FAM24B: variants seen among roughly 807,000 people sequenced by gnomAD.
FAM24B encodes the protein family with sequence similarity 24 member B, also known as protein FAM24B.
In FAM24B, 3 loss-of-function variants were observed where a neutral mutation model predicts 2.3. The observed-to-expected ratio is 1.29, with a 90% confidence interval of 0.59 to 3.32. The LOEUF is 3.32. Ranked by LOEUF, FAM24B falls within the 30% of genes most tolerant of loss-of-function variation. FAM24B has a pLI of 0.03. For missense variants in FAM24B, 98 were observed against 117.2 expected (o/e 0.84, Z 0.76); for synonymous variants, 36 against 46.3 (o/e 0.78, Z 0.90).
At chr10:122,861,127 CCTATTTTCTT>C (rs1847720390) in intron 1 of FAM24B, among the ~76,000 whole-genome samples, 1 of 152,032 alleles carries the variant, frequency 6.6e-6, no homozygotes, top group South Asian at 2.1e-4. Flanking sequence ...CAGATTTTCT[CCTATTTTCTT>C]CTGTATGTTT....
intron 1 of FAM24B, among the ~76,000 whole-genome samples, chr10:122,872,098 A>C (rs1220934076): frequency 3.3e-5 from 5 of 152,186 alleles, no homozygotes; most frequent in African/African-American, 1.2e-4. Flanking sequence ...TACAAGAAAA[A>C]AACAACCCTA....
At chr10:122,865,862 T>G (rs1469828645) in intron 1 of FAM24B, among the ~76,000 whole-genome samples, 1 of 152,010 alleles carries the variant, frequency 6.6e-6, no homozygotes, top group Non-Finnish European at 1.5e-5. Flanking sequence ...TTCAGGAAAT[T>G]GATCCATTTC....
intron 3 of FAM24B, among the ~76,000 whole-genome samples, chr10:122,849,885 C>G (rs571678611): frequency 6.6e-6 from 1 of 152,232 alleles, no homozygotes; most frequent in Non-Finnish European, 1.5e-5. Context: ...TCCACTGTTC[C>G]CCAGGTTTTT....
chr10:122,870,099 G>T (rs1261696229), intron 1 of FAM24B, among the ~76,000 whole-genome samples: 8 of 152,096 alleles, frequency 5.3e-5, no homozygotes, highest in Non-Finnish European at 1.0e-4. Flanking sequence ...AATGACAAAC[G>T]GGATATCACC....
chr10:122,849,641 G>T (rs1332947368), intron 3 of FAM24B, among the ~76,000 whole-genome samples: 3 of 151,894 alleles, frequency 2.0e-5, no homozygotes, highest in Non-Finnish European at 2.9e-5. Context: ...GTAAACTGAG[G>T]TTACAAAAGC....
chr10:122,875,332 T>C (rs1369371119), intron 1 of FAM24B, among the ~76,000 whole-genome samples: 1 of 152,222 alleles, frequency 6.6e-6, no homozygotes, highest in Non-Finnish European at 1.5e-5. Flanking sequence ...TTGTATGCTA[T>C]CTGCTTTTTC....
At chr10:122,873,128 G>A (rs951330468) in intron 1 of FAM24B, among the ~76,000 whole-genome samples, 4 of 152,142 alleles carry the variant, frequency 2.6e-5, no homozygotes, top group African/African-American at 9.7e-5. Flanking sequence ...TGGATTTTCA[G>A]TATAGATGAA....
chr10:122,875,741 C>T (rs1847967010), intron 1 of FAM24B, among the ~76,000 whole-genome samples: 1 of 116,714 alleles, frequency 8.6e-6, no homozygotes. Context: ...GAAAGGCAGT[C>T]TCCTAATTAA....
At position 122,849,211 on chromosome 10, in the gene FAM24B, T is replaced by C; in HGVS notation, c.*36A>G. ...TAACAAAACAATCTACTAAGAAGTA[T>C]TGCTCATGAAGATTTTTGTGCCCAC... On this transcript the variant is annotated 3_prime_UTR_variant, in exon 4 of 4. Coordinates refer to ENST00000368898, the MANE Select transcript of FAM24B (RefSeq NM_152644.3). 6.9e-7 allele frequency: 1 copy of C among 1,453,148 alleles called. No homozygotes were observed. The highest frequency in any genetic ancestry group is 2.3e-5 in the Admixed American group (1 of 44,444). 90.0% of individuals were successfully genotyped at this position (1,453,148 alleles called of 1,614,324 possible).
intron 1 of FAM24B, among the ~76,000 whole-genome samples, chr10:122,872,327 C>T (rs1422544703): frequency 6.6e-6 from 1 of 152,182 alleles, no homozygotes; most frequent in Non-Finnish European, 1.5e-5. Context: ...AACACTTTTA[C>T]ACTGTTGGTG....
chr10:122,857,726 G>A (rs916766207), intron 1 of FAM24B, among the ~76,000 whole-genome samples: 2 of 152,150 alleles, frequency 1.3e-5, no homozygotes, highest in African/African-American at 2.4e-5. Context: ...CTTGCCTCCA[G>A]TCAAGTTTTG....
intron 2 of FAM24B, among the ~76,000 whole-genome samples, chr10:122,852,884 G>C (rs1847567157): frequency 1.3e-5 from 2 of 152,208 alleles, no homozygotes; most frequent in South Asian, 4.2e-4. Context: ...TTGTCTAAAA[G>C]TTTTCTGTCT....
intron 1 of FAM24B, among the ~76,000 whole-genome samples, chr10:122,870,404 G>A (rs1014226420): frequency 6.6e-6 from 1 of 152,084 alleles, no homozygotes; most frequent in Admixed American, 6.5e-5. Context: ...CCAATCAATA[G>A]AAAAAGAGGG....
chr10:122,858,459 G>T (rs1258969427), intron 1 of FAM24B, among the ~76,000 whole-genome samples: 1 of 151,426 alleles, frequency 6.6e-6, no homozygotes, highest in Admixed American at 6.6e-5. Context: ...TGTAAATGAC[G>T]AGTTAATGGG....
At chr10:122,859,168 TGAAA>T (rs1350810499) in intron 1 of FAM24B, among the ~76,000 whole-genome samples, 3 of 152,146 alleles carry the variant, frequency 2.0e-5, no homozygotes, top group Non-Finnish European at 2.9e-5. Flanking sequence ...ACTCAGACAC[TGAAA>T]GAGAGATTAG....
intron 1 of FAM24B, among the ~76,000 whole-genome samples, chr10:122,856,010 A>G (rs921022556): frequency 2.0e-5 from 3 of 152,260 alleles, no homozygotes; most frequent in Non-Finnish European, 2.9e-5. Context: ...ACAAGCTCAC[A>G]GCCCCAAAAC....
chr10:122,874,622 T>C (rs1349929378), intron 1 of FAM24B, among the ~76,000 whole-genome samples: 1 of 152,186 alleles, frequency 6.6e-6, no homozygotes, highest in East Asian at 1.9e-4. Flanking sequence ...TCTTTTCTTG[T>C]TCCTCTATAG....
At chr10:122,878,383 A>C (rs1848013955) in intron 1 of FAM24B, among the ~76,000 whole-genome samples, 1 of 152,162 alleles carries the variant, frequency 6.6e-6, no homozygotes, top group South Asian at 2.1e-4. Context: ...AAATACAAAA[A>C]TTAGCTGGGC....
At chr10:122,850,737 T>C in intron 2 of FAM24B, 187 bp from the exon 3 acceptor site, 1 of 481,654 alleles carries the variant, frequency 2.1e-6, no homozygotes, top group Non-Finnish European at 3.7e-6. Context: ...AAAAAAGAAA[T>C]AAAAAAAGTC....
Sources: allele counts gnomAD v4.1 joint callset (sites outside exome capture counted in the v4.1 genomes callset), GRCh38; gene constraint gnomAD v4.1.1; transcripts MANE v1.5; gene names NCBI Gene and HGNC (gene_info 2026-07-23, HGNC 2026-07-21).